SORCS1: variants seen among roughly 807,000 people sequenced by gnomAD.
The protein encoded by SORCS1 is VPS10 domain-containing receptor SorCS1.
SORCS1 carries 60 observed loss-of-function variants against 146.1 expected under a neutral mutation model. The ratio of observed to expected loss-of-function variants is 0.41; its 90% confidence interval spans 0.33 to 0.51. The LOEUF is 0.51. Ranked by LOEUF, SORCS1 falls within the 20% of genes least tolerant of loss-of-function variation. The pLI is 0.21. For missense variants in SORCS1, 1,352 were observed against 1,487.6 expected, an observed-to-expected ratio of 0.91 and a Z score of 1.50; for synonymous variants, 637 against 584.0, an observed-to-expected ratio of 1.09 and a Z score of -1.31.
chr10:106,683,890 C>T (rs1467643983), intron 10 of SORCS1, among the ~76,000 whole-genome samples: 2 of 152,212 alleles, frequency 1.3e-5, no homozygotes, highest in African/African-American at 4.8e-5. Flanking sequence ...CCTGGAACAA[C>T]TGGCTGGGTA....
At chr10:106,678,935 T>A (rs556982499) in intron 12 of SORCS1, among the ~76,000 whole-genome samples, 1 of 152,280 alleles carries the variant, frequency 6.6e-6, no homozygotes, top group South Asian at 2.1e-4. Flanking sequence ...ATTCCCTATA[T>A]GATAAACCCT....
At chr10:106,862,780 CAAAAAAAA>C (rs58654489) in intron 2 of SORCS1, among the ~76,000 whole-genome samples, 2 of 60,248 alleles carry the variant, frequency 3.3e-5, no homozygotes, top group African/African-American at 1.1e-4. Context: ...CCTGTCTCTA[CAAAAAAAA>C]AAAAAAAAAA....
Position 106,607,284 on chromosome 10 carries a change from G to A in SORCS1, c.3047C>T (p.Pro1016Leu). The change falls in exon 23 of 26, where the codon CCA becomes CTA. Residue 1016 changes from proline to leucine, a missense_variant. By Grantham distance (98) the Pro-to-Leu change is moderately conservative (BLOSUM62 -3). Transcript: ENST00000263054. ...CACCGCCACCAGGATGTGCTGGCCT[G>A]GAACCCCTGTGGCCTGAGGGACAGA... Reference protein sequence around the residue: ...KKSLVEATGVPGQHILVAVLP... With the variant: ...KKSLVEATGVLGQHILVAVLP... 6.2e-7 allele frequency: 1 copy of A among 1,614,018 alleles called. No homozygotes were observed. The highest frequency in any genetic ancestry group is 8.5e-7 in the Non-Finnish European group (1 of 1,179,956).
intron 18 of SORCS1, among the ~76,000 whole-genome samples, chr10:106,633,815 C>T (rs779540070): frequency 2.0e-5 from 3 of 152,158 alleles, no homozygotes; most frequent in Non-Finnish European, 4.4e-5. Context: ...ATTTCTTAAT[C>T]TGGATGTCCA....
intron 18 of SORCS1, among the ~76,000 whole-genome samples, chr10:106,639,530 T>G (rs1015838917): frequency 1.3e-5 from 2 of 152,194 alleles, no homozygotes; most frequent in Admixed American, 6.5e-5. Flanking sequence ...CAATCCAACT[T>G]GAACTTCAGA....
chr10:107,062,732 C>T (rs182265555), intron 1 of SORCS1, among the ~76,000 whole-genome samples: 1 of 152,234 alleles, frequency 6.6e-6, no homozygotes. Flanking sequence ...CCTCTATTAC[C>T]TCCTTTCCTC....
At chr10:106,729,635 C>G (rs908963057) in intron 6 of SORCS1, among the ~76,000 whole-genome samples, 3 of 152,056 alleles carry the variant, frequency 2.0e-5, no homozygotes, top group African/African-American at 7.2e-5. Context: ...TGGAAAGACA[C>G]TTTGATTGGA....
chr10:106,923,758 C>T (rs1287315621), intron 2 of SORCS1, among the ~76,000 whole-genome samples: 4 of 152,182 alleles, frequency 2.6e-5, no homozygotes, highest in South Asian at 2.1e-4. Flanking sequence ...ATATCTTCTT[C>T]GGCCAGTTAT....
chr10:106,643,664 C>A (rs1477552610), intron 18 of SORCS1, among the ~76,000 whole-genome samples: 2 of 152,204 alleles, frequency 1.3e-5, no homozygotes, highest in African/African-American at 4.8e-5. Context: ...GACTTGTTAT[C>A]TTTTTTCCTT....
intron 5 of SORCS1, among the ~76,000 whole-genome samples, chr10:106,738,098 T>TATACATAAATGGGGAAGAAAAAAC (rs1857093719): frequency 6.6e-6 from 1 of 152,034 alleles, no homozygotes; most frequent in East Asian, 1.9e-4. Context: ...AAAGAAAAAA[T>TATACATAAATGGGGAAGAAAAAAC]ATACATAAAT....
chr10:106,806,505 CTTTTTTTTTTTTT>C (rs1191296212), intron 3 of SORCS1, among the ~76,000 whole-genome samples: 2 of 70,468 alleles, frequency 2.8e-5, no homozygotes, highest in Non-Finnish European at 5.5e-5. Flanking sequence ...GAGAGGAAGC[CTTTTTTTTTTTTT>C]TTTTTTTTTT....
At chr10:107,121,546 C>T (rs1386016259) in intron 1 of SORCS1, among the ~76,000 whole-genome samples, 1 of 151,810 alleles carries the variant, frequency 6.6e-6, no homozygotes, top group African/African-American at 2.4e-5. Flanking sequence ...ATTGTTAAGA[C>T]TGGAGGGAAA....
chr10:107,144,621 C>G (rs1004302728), intron 1 of SORCS1, among the ~76,000 whole-genome samples: 3 of 152,254 alleles, frequency 2.0e-5, no homozygotes, highest in African/African-American at 7.2e-5. Flanking sequence ...GCCAAACAAA[C>G]AAGAGCCCAT....
intron 5 of SORCS1, among the ~76,000 whole-genome samples, chr10:106,746,358 T>G (rs10884354): frequency 0.048 from 7,370 of 152,268 alleles, 359 homozygotes; most frequent in East Asian, 0.25. Context: ...CTAAAATTAT[T>G]TTTAAATAAA....
At chr10:107,055,354 G>T (rs892201174) in intron 1 of SORCS1, among the ~76,000 whole-genome samples, 1 of 152,172 alleles carries the variant, frequency 6.6e-6, no homozygotes, top group Non-Finnish European at 1.5e-5. Flanking sequence ...TGATGTAAAG[G>T]AATAGATAGT....
chr10:106,791,591 C>G (rs1242326186), intron 3 of SORCS1, among the ~76,000 whole-genome samples: 1 of 152,164 alleles, frequency 6.6e-6, no homozygotes, highest in Non-Finnish European at 1.5e-5. Context: ...CCTAGCTACT[C>G]AGGAGGCTAA....
At chr10:106,594,388 A>G (rs1296264832) in intron 24 of SORCS1, among the ~76,000 whole-genome samples, 3 of 152,232 alleles carry the variant, frequency 2.0e-5, no homozygotes, top group African/African-American at 7.2e-5. Flanking sequence ...ACATAAGCAT[A>G]GTGATCAGAT....
intron 1 of SORCS1, among the ~76,000 whole-genome samples, chr10:106,967,023 G>C (rs547026289): frequency 3.3e-5 from 5 of 151,572 alleles, no homozygotes; most frequent in Admixed American, 2.0e-4. Context: ...CTAGACTTAA[G>C]TTGCTTTTTG....
rs1190654041 is a variant in SORCS1 at position 107,004,175 on chromosome 10, CAAAAAAAAAAAA to C, written c.559-47607_559-47596del. 1.7e-3 allele frequency among the ~76,000 whole-genome samples: 82 copies of C among 49,580 alleles called. 1 individual carries two copies. Among genetic ancestry groups the C allele is most frequent in the African/African-American group, 6.8e-3 (81 of 11,956 alleles). 32.5% of individuals were successfully genotyped at this position (49,580 alleles called of 152,430 possible). ...TGGGCGACAGAGTGTGATCCCATCT[CAAAAAAAAAAAA>C]AAAAAAAAAAAAGCAGAGAATACTA... is the stretch of plus-strand genomic sequence containing the variant. On this transcript the variant is annotated intron_variant, in intron 1 of 25. Coordinates refer to ENST00000263054, the MANE Select transcript of SORCS1 (RefSeq NM_052918.5).
Sources: allele counts gnomAD v4.1 joint callset (sites outside exome capture counted in the v4.1 genomes callset), GRCh38; gene constraint gnomAD v4.1.1; transcripts MANE v1.5; gene names NCBI Gene and HGNC (gene_info 2026-07-23, HGNC 2026-07-21).